The following PDGFRA variants were observed in gnomAD, a reference collection of about 807,000 sequenced individuals.
PDGFRA encodes the protein platelet derived growth factor receptor alpha.
In PDGFRA, 25 loss-of-function variants were observed where a neutral mutation model predicts 121.5. That is an observed-to-expected ratio of 0.21 (90% CI 0.15 to 0.29). The LOEUF is 0.29. PDGFRA is among the 10% of genes least tolerant of loss of function. The pLI is 1.00. For synonymous variants in PDGFRA, 463 were observed against 494.8 expected (o/e 0.94, Z 0.85); for missense variants, 1,008 against 1,345.1 (o/e 0.75, Z 3.92).
intron 1 of PDGFRA, among the ~76,000 whole-genome samples, chr4:54,243,925 G>T (rs1204283661): frequency 6.6e-6 from 1 of 152,210 alleles, no homozygotes; most frequent in Non-Finnish European, 1.5e-5. Flanking sequence ...CCCGCACATG[G>T]CTCAGAGGGT....
chr4:54,294,718 G>A (rs912079115), intron 22 of PDGFRA, among the ~76,000 whole-genome samples: 7 of 152,132 alleles, frequency 4.6e-5, no homozygotes, highest in Non-Finnish European at 2.9e-5. Context: ...AACACAGTTT[G>A]GATGCTCAGG....
Position 54,290,334 on chromosome 4 carries a change from G to A in PDGFRA, c.2902G>A (p.Asp968Asn), listed in dbSNP as rs1724560647. Residue 968 changes from aspartate (D) to asparagine (N), a missense_variant, in exon 22 of 23, where the codon GAC becomes AAC. By Grantham distance (23) the Asp-to-Asn change is conservative. Around this residue, in one of 5 missense-constraint regions of PDGFRA, gnomAD observed 204 missense variants for 243.0 expected, o/e 0.84. Coordinates refer to ENST00000257290, the MANE Select transcript of PDGFRA (RefSeq NM_006206.6). ...YKKSYEKIHL[D>N]FLKSDHPAVA... ...ATAGAGTTATGAAAAAATTCACCTGGACTTCCTGAAGAGTGACCATCCTGC... is the reference window on the plus strand; with the variant it reads ...ATAGAGTTATGAAAAAATTCACCTGAACTTCCTGAAGAGTGACCATCCTGC... The A allele has an allele frequency of 6.2e-7, 1 of 1,612,258 alleles. No homozygotes were observed. Among genetic ancestry groups the A allele is most frequent in the South Asian group, 1.1e-5 (1 of 91,060 alleles).
At chr4:54,293,907 T>TTGTGTGTGTGTGTGTG (rs71200381) in intron 22 of PDGFRA, among the ~76,000 whole-genome samples, 6 of 142,460 alleles carry the variant, frequency 4.2e-5, no homozygotes, top group Non-Finnish European at 7.6e-5. Flanking sequence ...TCCAAGTTGC[T>TTGTGTGTGTGTGTGTG]TGTGTGTGTG....
chr4:54,249,956 T>G (rs182217520), intron 1 of PDGFRA, among the ~76,000 whole-genome samples: 365 of 152,288 alleles, frequency 2.4e-3, no homozygotes, highest in Middle Eastern at 6.8e-3. Flanking sequence ...AATCTTACCT[T>G]ATGGTCAAAC....
In PDGFRA at chr4:54,279,453, C is replaced by T. The variant is rs115900467; in HGVS notation, c.2157-863C>T. Among the ~76,000 whole-genome samples, 766 of 152,298 alleles carry T rather than the reference C, an allele frequency of 5.0e-3. 7 individuals carry two copies. Among genetic ancestry groups the T allele is most frequent in the African/African-American group, 0.017 (690 of 41,570 alleles). On this transcript the variant is annotated intron_variant, in intron 15 of 22. Coordinates refer to ENST00000257290, the MANE Select transcript of PDGFRA (RefSeq NM_006206.6). Reference sequence around the variant, plus strand: ...TTGACCCCCAGATCAAGTCATTTTCCTTACAAGCTATTGAAACCTTTCTTC... The same window carrying T: ...TTGACCCCCAGATCAAGTCATTTTCTTTACAAGCTATTGAAACCTTTCTTC...
chr4:54,281,986 A>G, intron 16 of PDGFRA: 1 of 1,077,310 alleles, frequency 9.3e-7, no homozygotes, highest in Non-Finnish European at 1.1e-6. Context: ...CTACTTTTTC[A>G]TGTAGCTTGT....
chr4:54,280,289 G>C (rs757845173), intron 15 of PDGFRA, 27 bp from the exon 16 acceptor site: 2 of 1,606,984 alleles, frequency 1.2e-6, no homozygotes, highest in Admixed American at 3.3e-5. Flanking sequence ...GGCACCCTGG[G>C]TAAGATTTCT....
intron 1 of PDGFRA, among the ~76,000 whole-genome samples, chr4:54,232,513 C>T (rs370604183): frequency 6.6e-5 from 10 of 152,318 alleles, no homozygotes; most frequent in Admixed American, 3.3e-4. Context: ...GAGCGACAAG[C>T]GCGGGTGGGC....
intron 16 of PDGFRA, among the ~76,000 whole-genome samples, chr4:54,284,879 C>CTTTT (rs5858264): frequency 0.011 from 1,151 of 101,278 alleles, 54 homozygotes; most frequent in African/African-American, 0.019. Context: ...TTCTTTCTAT[C>CTTTT]TTTTTTTTTT....
intron 1 of PDGFRA, among the ~76,000 whole-genome samples, chr4:54,248,750 T>C (rs1398476517): frequency 2.0e-5 from 3 of 151,980 alleles, no homozygotes; most frequent in South Asian, 2.1e-4. Flanking sequence ...TTCTGCACAG[T>C]GAAAGAAACT....
rs115209298 is a variant in PDGFRA, at chr4:54,266,448, C to A, written c.760-841C>A. ...TGTTGTGGAGATGAGGATCTCACTA[C>A]ATTGCCCAGGCTGGTCTCAAACTCC... is the stretch of plus-strand genomic sequence containing the variant. On this transcript the variant is annotated intron_variant, in intron 5 of 22. Coordinates refer to ENST00000257290, the MANE Select transcript of PDGFRA (RefSeq NM_006206.6). Among the ~76,000 whole-genome samples the A allele has an allele frequency of 5.8e-3, 834 of 144,684 alleles. 6 individuals are homozygous for A. The highest frequency in any genetic ancestry group is 0.019 in the African/African-American group (755 of 39,206). 94.9% of individuals were successfully genotyped at this position (144,684 alleles called of 152,430 possible). A position where few individuals can be genotyped will look rare whatever the true frequency, so the allele number is the denominator to read the frequency against.
intron 5 of PDGFRA, among the ~76,000 whole-genome samples, chr4:54,266,081 T>G (rs762042788): frequency 1.3e-5 from 2 of 152,236 alleles, no homozygotes; most frequent in Non-Finnish European, 2.9e-5. Flanking sequence ...ATGTACATCT[T>G]CCCTGAAATA....
At chr4:54,284,609 G>A (rs1278145828) in intron 16 of PDGFRA, among the ~76,000 whole-genome samples, 1 of 149,596 alleles carries the variant, frequency 6.7e-6, no homozygotes, top group Non-Finnish European at 1.5e-5. Context: ...GTGCCATACA[G>A]TTTTAAACAG....
intron 21 of PDGFRA, among the ~76,000 whole-genome samples, chr4:54,289,869 T>C (rs1724538375): frequency 6.6e-6 from 1 of 152,218 alleles, no homozygotes; most frequent in South Asian, 2.1e-4. Context: ...GGAAATGTGT[T>C]GGTGGGAAGA....
At chr4:54,261,572 G>T (rs920910953) in intron 3 of PDGFRA, among the ~76,000 whole-genome samples, 160 bp downstream of exon 3, 1 of 152,032 alleles carries the variant, frequency 6.6e-6, no homozygotes, top group East Asian at 1.9e-4. Context: ...ATATTATCAA[G>T]AAATATTCAT....
chr4:54,261,931 A>ATTT (rs34880395), intron 3 of PDGFRA, among the ~76,000 whole-genome samples: 39 of 58,414 alleles, frequency 6.7e-4, no homozygotes, highest in Admixed American at 4.1e-3. Context: ...ATATATATAT[A>ATTT]TTTTTTTTTT....
At chr4:54,264,741 A>T in intron 4 of PDGFRA, 178 bp from the exon 5 acceptor site, 1 of 582,512 alleles carries the variant, frequency 1.7e-6, no homozygotes, top group Non-Finnish European at 3.0e-6. Context: ...TATATGCCTA[A>T]TTGTTGTACA....
At position 54,272,476 on chromosome 4, in the gene PDGFRA, G is replaced by A. The variant is rs56026726; in HGVS notation, c.1320G>A (p.Thr440=). 2,107 of 1,613,952 alleles carry A rather than the reference G, an allele frequency of 1.3e-3. 23 individuals carry two copies. In the African/African-American group the frequency reaches 0.023, roughly 18 times the overall value. ...GQTVRCTAEG[T]PLPDIEWMIC... ...CGGTGAGGTGCACAGCTGAAGGCAC[G>A]CCGCTTCCTGATATTGAGTGGATGA... The change falls in exon 9 of 23, where the codon ACG becomes ACA. Residue 440 remains threonine (T), a synonymous_variant. Coordinates refer to ENST00000257290, the MANE Select transcript of PDGFRA (RefSeq NM_006206.6).
At chr4:54,290,271 G>A (rs751401486) in intron 21 of PDGFRA, 42 bp from the exon 22 acceptor site, 13 of 1,535,326 alleles carry the variant, frequency 8.5e-6, no homozygotes, top group Admixed American at 8.3e-5. Flanking sequence ...TTGAGGTTTG[G>A]TTGTTAACAC....
Sources: allele counts gnomAD v4.1 joint callset (sites outside exome capture counted in the v4.1 genomes callset), GRCh38; gene constraint gnomAD v4.1.1; regional missense constraint gnomAD v4.1.1; transcripts MANE v1.5; gene names NCBI Gene and HGNC (gene_info 2026-07-23, HGNC 2026-07-21).